The following MLLT3 variants were observed in gnomAD, a reference collection of about 807,000 sequenced individuals.
MLLT3 encodes MLLT3 super elongation complex subunit.
Under a neutral mutation model 53.2 loss-of-function variants are expected in MLLT3, and 4 were observed. That is an observed-to-expected ratio of 0.08 (90% CI 0.04 to 0.17). The LOEUF (loss-of-function observed/expected upper bound fraction) is 0.17. MLLT3 is among the 10% of genes least tolerant of loss of function. The probability of loss-of-function intolerance (pLI) is 1.00; values close to 1 mark genes in which losing one functional copy is unlikely to be tolerated. For synonymous variants in MLLT3, 283 were observed against 230.6 expected, an observed-to-expected ratio of 1.23 and a Z score of -2.06; for missense variants, 569 against 684.0, an observed-to-expected ratio of 0.83 and a Z score of 1.87.
chr9:20,607,132 G>A (rs1267225454), intron 2 of MLLT3, among the ~76,000 whole-genome samples: 1 of 151,994 alleles, frequency 6.6e-6, no homozygotes, highest in Non-Finnish European at 1.5e-5. Context: ...TTAATTTGGT[G>A]CCAATTTGGA....
intron 5 of MLLT3, among the ~76,000 whole-genome samples, chr9:20,400,402 C>T (rs963689186): frequency 2.6e-5 from 4 of 152,016 alleles, no homozygotes; most frequent in Non-Finnish European, 5.9e-5. Context: ...AAAAAACTTA[C>T]GATATTTTGA....
intron 4 of MLLT3, among the ~76,000 whole-genome samples, chr9:20,416,390 C>G (rs1586933287): frequency 6.6e-6 from 1 of 151,798 alleles, no homozygotes; most frequent in Admixed American, 6.6e-5. Flanking sequence ...CAACATATTT[C>G]TAATGTTAAG....
intron 10 of MLLT3, among the ~76,000 whole-genome samples, chr9:20,350,026 G>A (rs1400391581): frequency 2.0e-5 from 3 of 152,140 alleles, no homozygotes; most frequent in Non-Finnish European, 4.4e-5. Flanking sequence ...ATTTAAGTAA[G>A]GGCTCCATAA....
intron 2 of MLLT3, among the ~76,000 whole-genome samples, chr9:20,563,068 C>G (rs1022249982): frequency 6.6e-6 from 1 of 152,140 alleles, no homozygotes; most frequent in Admixed American, 6.6e-5. Flanking sequence ...AGCTAAGAAG[C>G]ACAGTAACCT....
chr9:20,395,656 C>T (rs1438949136), intron 5 of MLLT3, among the ~76,000 whole-genome samples: 1 of 152,092 alleles, frequency 6.6e-6, no homozygotes, highest in Non-Finnish European at 1.5e-5. Flanking sequence ...ATTTGGCATT[C>T]AGGAAAGAAA....
chr9:20,446,171 G>T (rs1823694108), intron 4 of MLLT3, among the ~76,000 whole-genome samples: 1 of 152,084 alleles, frequency 6.6e-6, no homozygotes, highest in African/African-American at 2.4e-5. Context: ...AAAATTCACT[G>T]TGATTAGTCC....
At chr9:20,440,443 A>G (rs1823518116) in intron 4 of MLLT3, among the ~76,000 whole-genome samples, 1 of 152,168 alleles carries the variant, frequency 6.6e-6, no homozygotes, top group Non-Finnish European at 1.5e-5. Flanking sequence ...ATGGAACAAG[A>G]AAACAGGCAG....
intron 2 of MLLT3, among the ~76,000 whole-genome samples, chr9:20,494,557 A>C (rs1825029917): frequency 6.6e-6 from 1 of 152,170 alleles, no homozygotes; most frequent in South Asian, 2.1e-4. Context: ...AATTGCCTGA[A>C]GTTTTCTTTA....
chr9:20,510,614 A>G (rs1158087169), intron 2 of MLLT3, among the ~76,000 whole-genome samples: 1 of 1,270 alleles, frequency 7.9e-4, no homozygotes, highest in African/African-American at 0.01. Context: ...TCCATCTCAG[A>G]AAAAAAAAAA....
At position 20,345,526 on chromosome 9, in the gene MLLT3, G is replaced by A. The variant is rs991490094; in HGVS notation, c.*917C>T. On this transcript the variant is annotated 3_prime_UTR_variant, in exon 11 of 11. Transcript: ENST00000380338. ...TTTTTAAATGATGATCCTGTGGAAT[G>A]CCTTTACTTCCATATTCACCTAATA... is the stretch of plus-strand genomic sequence containing the variant. 5.0e-6 allele frequency: 1 copy of A among 201,052 alleles called. No individual in the cohort carries two copies. The highest frequency in any genetic ancestry group is 1.0e-5 in the Non-Finnish European group (1 of 98,026). The allele number at this position is 201,052 out of a possible 1,614,324, so 12.5% of individuals were successfully genotyped here.
rs548967876 is a variant in MLLT3, at chr9:20,440,935, A to C, written c.420+7188T>G. ...TTCAAAACTAAATTACGGTTACTATATTAAGAGTTTCGTACATACAGTCAG... is the reference window on the plus strand; with the variant it reads ...TTCAAAACTAAATTACGGTTACTATCTTAAGAGTTTCGTACATACAGTCAG... On this transcript the variant is annotated intron_variant, in intron 4 of 10. Coordinates refer to ENST00000380338, the MANE Select transcript of MLLT3 (RefSeq NM_004529.4). Among the ~76,000 whole-genome samples, 4 of 152,254 alleles carry C rather than the reference A, an allele frequency of 2.6e-5. No homozygotes were observed. In the East Asian group the frequency reaches 7.7e-4, roughly 29 times the overall value.
intron 5 of MLLT3, among the ~76,000 whole-genome samples, chr9:20,412,441 CA>C (rs766752831): frequency 6.6e-6 from 1 of 152,110 alleles, no homozygotes; most frequent in Admixed American, 6.5e-5. Context: ...GATCTTCTAC[CA>C]AAATTTCGAG....
chr9:20,366,417 G>C (rs1324451586), intron 5 of MLLT3, among the ~76,000 whole-genome samples: 3 of 152,176 alleles, frequency 2.0e-5, no homozygotes. Context: ...GTGTACATGT[G>C]CCACATGTTC....
chr9:20,524,646 T>C (rs1407072195), intron 2 of MLLT3, among the ~76,000 whole-genome samples: 1 of 152,178 alleles, frequency 6.6e-6, no homozygotes, highest in Non-Finnish European at 1.5e-5. Flanking sequence ...TAAAAATTAC[T>C]GTGGCACAGG....
chr9:20,565,925 TA>T (rs1819345138), intron 2 of MLLT3, among the ~76,000 whole-genome samples: 4 of 18,530 alleles, frequency 2.2e-4, no homozygotes, highest in African/African-American at 2.5e-4. Context: ...TATATATTTA[TA>T]TATATATATA....
At chr9:20,509,570 G>A (rs1587007596) in intron 2 of MLLT3, among the ~76,000 whole-genome samples, 1 of 152,062 alleles carries the variant, frequency 6.6e-6, no homozygotes, top group East Asian at 1.9e-4. Flanking sequence ...CAACACTTGA[G>A]GTTTTGGCTT....
At chr9:20,582,975 T>C (rs1435315228) in intron 2 of MLLT3, among the ~76,000 whole-genome samples, 1 of 152,116 alleles carries the variant, frequency 6.6e-6, no homozygotes, top group African/African-American at 2.4e-5. Context: ...CCCAAAGTCT[T>C]AACTCATTTC....
chr9:20,580,096 A>G (rs1819753887), intron 2 of MLLT3, among the ~76,000 whole-genome samples: 2 of 152,146 alleles, frequency 1.3e-5, no homozygotes, highest in African/African-American at 4.8e-5. Flanking sequence ...CAGCTACCAC[A>G]GTCTCACAGT....
At chr9:20,543,731 AAGGAGG>A (rs1028511111) in intron 2 of MLLT3, among the ~76,000 whole-genome samples, 2 of 148,422 alleles carry the variant, frequency 1.3e-5, no homozygotes, top group Non-Finnish European at 3.0e-5. Context: ...AGGAAGGAGG[AAGGAGG>A]AGGAGGAGGA....
Sources: gnomAD v4.1 joint callset for allele counts (sites outside exome capture counted in the v4.1 genomes callset) on GRCh38, gnomAD v4.1.1 for gene constraint, MANE v1.5 for transcripts, NCBI Gene and HGNC (gene_info 2026-07-23, HGNC 2026-07-21) for gene names.